LCLAT1: variants seen among roughly 807,000 people sequenced by gnomAD.
LCLAT1 encodes 1-AGP acyltransferase 8.
LCLAT1 carries 11 observed loss-of-function variants against 30.7 expected under a neutral mutation model. The observed-to-expected ratio is 0.36, with a 90% CI of 0.23 to 0.59. The LOEUF is 0.59. Ranked by LOEUF, LCLAT1 falls within the 20% of genes least tolerant of loss-of-function variation. The pLI, the probability that LCLAT1 is intolerant of heterozygous loss-of-function variation, is 0.77. For synonymous variants in LCLAT1, 155 were observed against 151.3 expected (o/e 1.02, Z -0.18); for missense variants, 402 against 458.6 (o/e 0.88, Z 1.13).
At chr2:30,535,317 T>C (rs554944574) in intron 3 of LCLAT1, among the ~76,000 whole-genome samples, 1 of 152,318 alleles carries the variant, frequency 6.6e-6, no homozygotes, top group South Asian at 2.1e-4. Flanking sequence ...CCTGTCTTTA[T>C]GAAGAGTACT....
chr2:30,462,772 G>A lies in LCLAT1; in HGVS notation c.-5+15389G>A, dbSNP rs763725265. On this transcript the variant is annotated intron_variant, in intron 1 of 5. Coordinates refer to ENST00000379509, the MANE Select transcript of LCLAT1 (RefSeq NM_001002257.3). The stretch of plus-strand genomic sequence containing the variant: ...TAAGAATTACCTTTTTTTGTGTTAC[G>A]TGAGCTGATCAAAGGAAATTTTAAA... 7.9e-5 allele frequency among the ~76,000 whole-genome samples: 12 copies of A among 152,222 alleles called. No individual in the cohort carries two copies. The South Asian group carries it at 2.3e-3, about 29-fold the overall frequency.
At chr2:30,572,947 G>A (rs1665846396) in intron 5 of LCLAT1, among the ~76,000 whole-genome samples, 1 of 151,062 alleles carries the variant, frequency 6.6e-6, no homozygotes, top group Non-Finnish European at 1.5e-5. Flanking sequence ...GGTTGAAAGA[G>A]GAAAAAAAAT....
At chr2:30,452,071 T>G (rs1281609251) in intron 1 of LCLAT1, among the ~76,000 whole-genome samples, 1 of 152,128 alleles carries the variant, frequency 6.6e-6, no homozygotes, top group Non-Finnish European at 1.5e-5. Context: ...TTACTCTGGG[T>G]TGGTGGTGGT....
chr2:30,510,355 G>C (rs910048574), intron 1 of LCLAT1, among the ~76,000 whole-genome samples: 2 of 152,196 alleles, frequency 1.3e-5, no homozygotes, highest in African/African-American at 4.8e-5. Context: ...ACTTGCTACA[G>C]GGACGGGTTG....
chr2:30,533,063 A>G (rs530919259), intron 2 of LCLAT1, 53 bp from the exon 3 acceptor site: 2 of 1,253,518 alleles, frequency 1.6e-6, no homozygotes, highest in Non-Finnish European at 1.2e-6. Context: ...GATAAAATTT[A>G]CCTATGGAAA....
intron 2 of LCLAT1, among the ~76,000 whole-genome samples, chr2:30,527,660 T>G (rs1685781501): frequency 6.6e-6 from 1 of 152,220 alleles, no homozygotes; most frequent in Non-Finnish European, 1.5e-5. Context: ...AGCCTCATTG[T>G]AAGCTTTTGT....
At chr2:30,495,113 G>A (rs537714913) in intron 1 of LCLAT1, among the ~76,000 whole-genome samples, 2 of 152,174 alleles carry the variant, frequency 1.3e-5, no homozygotes, top group South Asian at 4.1e-4. Context: ...AAAGTACACA[G>A]TGTTCTGATA....
intron 1 of LCLAT1, among the ~76,000 whole-genome samples, chr2:30,488,553 C>T (rs748832745): frequency 6.6e-6 from 1 of 152,156 alleles, no homozygotes; most frequent in Non-Finnish European, 1.5e-5. Context: ...CTTGGTTGTC[C>T]CTAGCTCTTG....
At chr2:30,568,261 G>A in intron 5 of LCLAT1, 85 bp downstream of exon 5, 2 of 600,736 alleles carry the variant, frequency 3.3e-6, no homozygotes, top group Non-Finnish European at 5.8e-6. Flanking sequence ...AGTTTGTAAA[G>A]GATTTTTTAC....
intron 3 of LCLAT1, among the ~76,000 whole-genome samples, chr2:30,544,217 G>A (rs1272893732): frequency 6.6e-6 from 1 of 152,046 alleles, no homozygotes; most frequent in African/African-American, 2.4e-5. Flanking sequence ...TCCCTCTCTA[G>A]TACCTTCTGA....
At chr2:30,506,190 A>C (rs1300149457) in intron 1 of LCLAT1, among the ~76,000 whole-genome samples, 1 of 152,110 alleles carries the variant, frequency 6.6e-6, no homozygotes, top group Non-Finnish European at 1.5e-5. Flanking sequence ...TTTGTTCCTA[A>C]GAAAGTATTA....
At chr2:30,503,202 G>A (rs889838885) in intron 1 of LCLAT1, among the ~76,000 whole-genome samples, 2 of 152,128 alleles carry the variant, frequency 1.3e-5, no homozygotes, top group South Asian at 2.1e-4. Context: ...GACAATGGGG[G>A]CAGCTAGGGA....
At chr2:30,562,339 C>G (rs1665269443) in intron 4 of LCLAT1, 47 bp downstream of exon 4, 1 of 1,462,896 alleles carries the variant, frequency 6.8e-7, no homozygotes, top group Non-Finnish European at 9.3e-7. Flanking sequence ...GTAGTCTAAA[C>G]TTCTCATTTC....
intron 5 of LCLAT1, among the ~76,000 whole-genome samples, chr2:30,623,046 ATTTTTTTT>A (rs34283582): frequency 9.6e-5 from 8 of 83,240 alleles, no homozygotes; most frequent in Non-Finnish European, 1.5e-4. Flanking sequence ...AATTCAAAGA[ATTTTTTTT>A]TTTTTTTTTT....
chr2:30,563,036 C>A (rs1035471868), intron 4 of LCLAT1, among the ~76,000 whole-genome samples: 3 of 151,984 alleles, frequency 2.0e-5, no homozygotes, highest in Non-Finnish European at 4.4e-5. Flanking sequence ...AACTTTTCGG[C>A]CTTCCTAAAT....
chr2:30,465,011 G>A (rs1421118701), intron 1 of LCLAT1, among the ~76,000 whole-genome samples: 1 of 152,026 alleles, frequency 6.6e-6, no homozygotes, highest in African/African-American at 2.4e-5. Flanking sequence ...TGCCTGGCCA[G>A]GCCTGTTAGG....
At chr2:30,510,842 A>G (rs1353466707) in intron 1 of LCLAT1, among the ~76,000 whole-genome samples, 3 of 151,710 alleles carry the variant, frequency 2.0e-5, no homozygotes, top group Non-Finnish European at 4.4e-5. Flanking sequence ...ATTTTTGCTA[A>G]TCATTTTTGC....
intron 1 of LCLAT1, among the ~76,000 whole-genome samples, chr2:30,518,745 G>A (rs576254963): frequency 5.9e-5 from 9 of 152,306 alleles, no homozygotes; most frequent in African/African-American, 2.2e-4. Context: ...CCTTAAGGAT[G>A]CCTTTTTCTG....
At chr2:30,528,718 G>T (rs1046617237) in intron 2 of LCLAT1, among the ~76,000 whole-genome samples, 1 of 152,094 alleles carries the variant, frequency 6.6e-6, no homozygotes. Context: ...TAGCTGTTTG[G>T]ACAGTTTAAC....
Sources: allele counts gnomAD v4.1 joint callset (sites outside exome capture counted in the v4.1 genomes callset), GRCh38; gene constraint gnomAD v4.1.1; transcripts MANE v1.5; gene names NCBI Gene and HGNC (gene_info 2026-07-23, HGNC 2026-07-21).